The following PRKG1 variants were observed in gnomAD, a reference collection of about 807,000 sequenced individuals.
PRKG1 encodes the protein protein kinase cGMP-dependent 1.
PRKG1 carries 35 observed loss-of-function variants against 88.1 expected under a neutral mutation model. The observed-to-expected ratio is 0.40, with a 90% CI of 0.30 to 0.53. The LOEUF (loss-of-function observed/expected upper bound fraction) is 0.53, where lower values mean the gene tolerates loss of function less well. PRKG1 is among the 20% of genes least tolerant of loss of function. The probability of loss-of-function intolerance (pLI) is 0.59; values close to 1 mark genes in which losing one functional copy is unlikely to be tolerated. For missense variants in PRKG1, 540 were observed against 839.8 expected (o/e 0.64, Z 4.41); for synonymous variants, 303 against 292.5 (o/e 1.04, Z -0.37).
chr10:51,084,391 A>G (rs1589140538), intron 1 of PRKG1, among the ~76,000 whole-genome samples: 1 of 152,246 alleles, frequency 6.6e-6, no homozygotes, highest in African/African-American at 2.4e-5. Context: ...AACCTATGAA[A>G]GGATGGGAGT....
At chr10:51,076,058 A>C (rs2132808135) in intron 1 of PRKG1, among the ~76,000 whole-genome samples, 1 of 152,354 alleles carries the variant, frequency 6.6e-6, no homozygotes, top group Middle Eastern at 3.4e-3. Context: ...ACAACAAGTT[A>C]ATATAAGGAG....
At chr10:51,189,703 A>G (rs1245925133) in intron 2 of PRKG1, among the ~76,000 whole-genome samples, 1 of 151,984 alleles carries the variant, frequency 6.6e-6, no homozygotes. Context: ...CTGCATAGTT[A>G]CTAATATATC....
At chr10:51,234,788 T>A (rs941643648) in intron 2 of PRKG1, among the ~76,000 whole-genome samples, 1 of 152,132 alleles carries the variant, frequency 6.6e-6, no homozygotes, top group South Asian at 2.1e-4. Flanking sequence ...GTATTATTTC[T>A]GAATGGAAAA....
chr10:51,776,923 G>A (rs1376256390), intron 3 of PRKG1, among the ~76,000 whole-genome samples: 1 of 152,140 alleles, frequency 6.6e-6, no homozygotes, highest in African/African-American at 2.4e-5. Context: ...GAAATCCTAT[G>A]CCACGGAAGA....
intron 10 of PRKG1, among the ~76,000 whole-genome samples, chr10:52,266,347 C>T (rs530773662): frequency 3.9e-5 from 6 of 152,066 alleles, no homozygotes; most frequent in African/African-American, 1.4e-4. Context: ...TTAGTTATTT[C>T]TCCTGATGCT....
chr10:52,121,905 A>G (rs1847827247), intron 7 of PRKG1, among the ~76,000 whole-genome samples: 1 of 151,490 alleles, frequency 6.6e-6, no homozygotes, highest in Admixed American at 6.6e-5. Context: ...AAATTCTTTC[A>G]GCTTTTAGTC....
At chr10:51,984,371 C>A (rs1185073241) in intron 5 of PRKG1, among the ~76,000 whole-genome samples, 1 of 152,090 alleles carries the variant, frequency 6.6e-6, no homozygotes, top group Admixed American at 6.6e-5. Context: ...TTATTCATTT[C>A]CGATGATTTT....
At chr10:52,193,403 C>T (rs1271573231) in intron 9 of PRKG1, among the ~76,000 whole-genome samples, 1 of 151,602 alleles carries the variant, frequency 6.6e-6, no homozygotes, top group East Asian at 1.9e-4. Flanking sequence ...AAAAAATTAG[C>T]CACGCATGGT....
At chr10:51,650,049 C>T (rs1190244904) in intron 3 of PRKG1, among the ~76,000 whole-genome samples, 1 of 152,130 alleles carries the variant, frequency 6.6e-6, no homozygotes, top group Non-Finnish European at 1.5e-5. Flanking sequence ...TCTAACTATC[C>T]TCATCTCTCA....
chr10:51,412,302 C>G (rs1157302983), intron 2 of PRKG1, among the ~76,000 whole-genome samples: 2 of 151,688 alleles, frequency 1.3e-5, no homozygotes, highest in Non-Finnish European at 2.9e-5. Flanking sequence ...ACACAAAACT[C>G]AAAACTAGCT....
At chr10:51,249,674 G>A (rs973723146) in intron 2 of PRKG1, among the ~76,000 whole-genome samples, 1 of 151,752 alleles carries the variant, frequency 6.6e-6, no homozygotes, top group African/African-American at 2.4e-5. Flanking sequence ...ATCGCAAGTA[G>A]CAGCATATTA....
At chr10:51,334,149 TCTTTCTCTCTCTC>T (rs1841809290) in intron 2 of PRKG1, among the ~76,000 whole-genome samples, 1 of 89,330 alleles carries the variant, frequency 1.1e-5, no homozygotes, top group Non-Finnish European at 2.4e-5. Context: ...TTTCTCTCTC[TCTTTCTCTCTCTC>T]TCTCTCTCTC....
intron 1 of PRKG1, among the ~76,000 whole-genome samples, chr10:51,022,574 T>G (rs146145965): frequency 3.3e-5 from 5 of 152,288 alleles, no homozygotes; most frequent in Non-Finnish European, 7.4e-5. Context: ...GCAGACAACC[T>G]GTACTCTCAG....
Position 52,294,177 on chromosome 10 carries a change from A to G in PRKG1, c.*277A>G. On this transcript the variant is annotated 3_prime_UTR_variant, in exon 18 of 18. Transcript: ENST00000373980. ...AAAGATGTTTTCTATTGTTGCAATG[A>G]CCTTGCTTTGCTCTGATTATAATTT... 3.1e-6 allele frequency: 1 copy of G among 325,804 alleles called. No homozygotes were observed. The highest frequency in any genetic ancestry group is 5.7e-6 in the Non-Finnish European group (1 of 176,918). The allele number at this position is 325,804 out of a possible 1,614,324, so 20.2% of individuals were successfully genotyped here. A position where few individuals can be genotyped will look rare whatever the true frequency, so the allele number is the denominator to read the frequency against.
chr10:51,187,913 C>T (rs1351227566), intron 2 of PRKG1, among the ~76,000 whole-genome samples: 2 of 151,970 alleles, frequency 1.3e-5, no homozygotes, highest in Non-Finnish European at 2.9e-5. Context: ...ATATATTTGA[C>T]CTATGAGACA....
At chr10:51,966,197 C>A (rs1843563234) in intron 5 of PRKG1, among the ~76,000 whole-genome samples, 2 of 152,244 alleles carry the variant, frequency 1.3e-5, no homozygotes, top group South Asian at 4.1e-4. Flanking sequence ...AGCTGATTAG[C>A]AAATACATAT....
intron 9 of PRKG1, among the ~76,000 whole-genome samples, chr10:52,198,273 T>C (rs1839562121): frequency 6.6e-6 from 1 of 152,184 alleles, no homozygotes; most frequent in African/African-American, 2.4e-5. Flanking sequence ...GGCATGCAGT[T>C]TGATAAATAT....
At chr10:51,664,975 C>T (rs985722828) in intron 3 of PRKG1, among the ~76,000 whole-genome samples, 9 of 152,082 alleles carry the variant, frequency 5.9e-5, no homozygotes, top group Non-Finnish European at 1.2e-4. Context: ...AAAAGCTGCT[C>T]ATGGTTGGGA....
intron 3 of PRKG1, among the ~76,000 whole-genome samples, chr10:51,518,243 C>T (rs886353485): frequency 6.6e-6 from 1 of 152,136 alleles, no homozygotes; most frequent in African/African-American, 2.4e-5. Context: ...GGTGATCCAC[C>T]CTCCTCAGCC....
Sources: allele counts gnomAD v4.1 joint callset (sites outside exome capture counted in the v4.1 genomes callset), GRCh38; gene constraint gnomAD v4.1.1; transcripts MANE v1.5; gene names NCBI Gene and HGNC (gene_info 2026-07-23, HGNC 2026-07-21).